Variants in SGCZ observed in about 807,000 individuals in gnomAD.
SGCZ encodes the protein sarcoglycan zeta.
A neutral mutation model predicts 41.3 loss-of-function variants in SGCZ; 40 were observed. The ratio of observed to expected loss-of-function variants is 0.97; its 90% CI spans 0.75 to 1.26. The LOEUF (loss-of-function observed/expected upper bound fraction) is 1.26, where lower values mean the gene tolerates loss of function less well. SGCZ is among the 50% of genes most tolerant of loss of function. SGCZ has a pLI of 0.00. For synonymous variants in SGCZ, 206 were observed against 137.5 expected (o/e 1.50, Z -3.49); for missense variants, 552 against 369.8 (o/e 1.49, Z -4.04).
intron 2 of SGCZ, among the ~76,000 whole-genome samples, chr8:14,364,705 T>G (rs1803637486): frequency 6.6e-6 from 1 of 152,176 alleles, no homozygotes; most frequent in Non-Finnish European, 1.5e-5. Flanking sequence ...GTATTAGATT[T>G]ATTGTCATTT....
intron 1 of SGCZ, among the ~76,000 whole-genome samples, chr8:15,181,136 G>C (rs1800163461): frequency 6.6e-6 from 1 of 151,936 alleles, no homozygotes; most frequent in Non-Finnish European, 1.5e-5. Context: ...ATTACACTGT[G>C]TTTTATTTCA....
chr8:14,211,835 A>C (rs1262430894), intron 4 of SGCZ, among the ~76,000 whole-genome samples: 1 of 152,118 alleles, frequency 6.6e-6, no homozygotes, highest in Non-Finnish European at 1.5e-5. Flanking sequence ...AATCCAAATC[A>C]TATCAGATTT....
intron 1 of SGCZ, among the ~76,000 whole-genome samples, chr8:15,191,696 A>G (rs1051271589): frequency 7.9e-5 from 12 of 152,082 alleles, no homozygotes; most frequent in Non-Finnish European, 1.6e-4. Flanking sequence ...TACGAGCTTC[A>G]GCTGTAGAGA....
chr8:14,762,292 A>G lies in SGCZ; in HGVS notation c.40-207366T>C, dbSNP rs534823300. ...AAATCTCCATGGACCTCAAAACAGT[A>G]AAATCTACAGAGTAGTCCATTACAA... On this transcript the variant is annotated intron_variant, in intron 1 of 7. Transcript: ENST00000382080. Among the ~76,000 whole-genome samples the G allele has an allele frequency of 9.8e-5, 15 of 152,326 alleles. No individual in the cohort carries two copies. The South Asian group carries it at 3.1e-3, about 32-fold the overall frequency.
chr8:14,946,478 G>C (rs1232260690), intron 1 of SGCZ, among the ~76,000 whole-genome samples: 1 of 151,942 alleles, frequency 6.6e-6, no homozygotes, highest in African/African-American at 2.4e-5. Flanking sequence ...ATGTGCCTCA[G>C]GTATTTCCAC....
At chr8:14,764,867 T>A (rs1453958047) in intron 1 of SGCZ, among the ~76,000 whole-genome samples, 1 of 152,150 alleles carries the variant, frequency 6.6e-6, no homozygotes, top group African/African-American at 2.4e-5. Flanking sequence ...AAATACACAT[T>A]AAAATATTTA....
intron 3 of SGCZ, among the ~76,000 whole-genome samples, chr8:14,321,274 T>C (rs1026971668): frequency 1.3e-5 from 2 of 151,984 alleles, no homozygotes; most frequent in Non-Finnish European, 2.9e-5. Context: ...GATATGTTTT[T>C]CTGTTTACTT....
intron 1 of SGCZ, among the ~76,000 whole-genome samples, chr8:14,716,036 G>A (rs1585204444): frequency 6.6e-6 from 1 of 152,020 alleles, no homozygotes; most frequent in Admixed American, 6.6e-5. Context: ...ATAGGAGAAA[G>A]TCACTAATCT....
intron 1 of SGCZ, among the ~76,000 whole-genome samples, chr8:14,913,486 A>C (rs538012821): frequency 6.6e-6 from 1 of 152,202 alleles, no homozygotes; most frequent in South Asian, 2.1e-4. Flanking sequence ...TGTTTAAAGC[A>C]TAATATCTTT....
chr8:15,007,137 G>A (rs755388292), intron 1 of SGCZ, among the ~76,000 whole-genome samples: 1 of 152,036 alleles, frequency 6.6e-6, no homozygotes, highest in South Asian at 2.1e-4. Context: ...CTGCTCCAAA[G>A]GAAGAGATAT....
intron 3 of SGCZ, among the ~76,000 whole-genome samples, chr8:14,245,503 C>T (rs1285163966): frequency 6.6e-6 from 1 of 152,152 alleles, no homozygotes; most frequent in Non-Finnish European, 1.5e-5. Flanking sequence ...TAGAAGAAAA[C>T]CTAGGCATTA....
chr8:14,095,796 T>A (rs1210606405), intron 7 of SGCZ, among the ~76,000 whole-genome samples: 1 of 152,194 alleles, frequency 6.6e-6, no homozygotes, highest in Non-Finnish European at 1.5e-5. Context: ...TGGCTTGTAG[T>A]TCTCCTTGAA....
Position 14,654,520 on chromosome 8 carries a change from A to G in SGCZ, c.40-99594T>C, listed in dbSNP as rs149260796. ...AATATGTAGCAAGCACTCAATAAATATGAGCTTTACTACTACTGCTACCAC... is the reference window on the plus strand; with the variant it reads ...AATATGTAGCAAGCACTCAATAAATGTGAGCTTTACTACTACTGCTACCAC... On this transcript the variant is annotated intron_variant, in intron 1 of 7. Transcript: ENST00000382080. Among the ~76,000 whole-genome samples, 144 of 152,302 alleles carry G rather than the reference A, an allele frequency of 9.5e-4. 1 individual carries two copies. Among genetic ancestry groups the G allele is most frequent in the African/African-American group, 3.2e-3 (134 of 41,546 alleles).
chr8:14,770,380 T>C (rs1320927795), intron 1 of SGCZ, among the ~76,000 whole-genome samples: 2 of 151,624 alleles, frequency 1.3e-5, no homozygotes, highest in Admixed American at 6.6e-5. Flanking sequence ...GAATAAATAG[T>C]TTTAAAATGT....
intron 1 of SGCZ, among the ~76,000 whole-genome samples, chr8:15,066,171 G>A (rs981907404): frequency 4.0e-5 from 6 of 151,800 alleles, no homozygotes; most frequent in Non-Finnish European, 4.4e-5. Flanking sequence ...AGCCGGGCGC[G>A]GTGGCGGGCG....
chr8:15,069,547 G>A (rs1805276255), intron 1 of SGCZ, among the ~76,000 whole-genome samples: 1 of 152,124 alleles, frequency 6.6e-6, no homozygotes, highest in African/African-American at 2.4e-5. Flanking sequence ...GGCCCAATAT[G>A]TTTGGGAAGA....
chr8:14,831,664 A>G (rs1009017309), intron 1 of SGCZ, among the ~76,000 whole-genome samples: 3 of 151,992 alleles, frequency 2.0e-5, no homozygotes, highest in Non-Finnish European at 4.4e-5. Context: ...ATATATACAT[A>G]CACTTGTCTC....
At chr8:15,049,957 C>T (rs982787434) in intron 1 of SGCZ, among the ~76,000 whole-genome samples, 7 of 152,100 alleles carry the variant, frequency 4.6e-5, no homozygotes, top group East Asian at 1.9e-4. Flanking sequence ...ACTGTGTGTC[C>T]ATTAAACCTC....
intron 1 of SGCZ, among the ~76,000 whole-genome samples, chr8:14,839,974 G>GT (rs1022887799): frequency 2.6e-5 from 4 of 151,910 alleles, no homozygotes; most frequent in Admixed American, 1.3e-4. Flanking sequence ...TAATCAACTT[G>GT]TTTTTTACTT....
Sources: gnomAD v4.1 joint callset for allele counts (sites outside exome capture counted in the v4.1 genomes callset) on GRCh38, gnomAD v4.1.1 for gene constraint, MANE v1.5 for transcripts, NCBI Gene and HGNC (gene_info 2026-07-23, HGNC 2026-07-21) for gene names.